Variants in AFG2A observed in about 807,000 individuals in gnomAD.
The protein encoded by AFG2A is ATPase family gene 2 protein homolog A.
the AFG2A span, among the ~76,000 whole-genome samples, chr4:123,006,780 CT>C: frequency 2.0e-5 from 3 of 152,062 alleles, no homozygotes; most frequent in Non-Finnish European, 4.4e-5. Flanking sequence ...GCATTTATAA[CT>C]TCTAATGTCC....
At chr4:123,290,042 G>A in the AFG2A span, among the ~76,000 whole-genome samples, 1 of 151,896 alleles carries the variant, frequency 6.6e-6, no homozygotes, top group East Asian at 1.9e-4. Flanking sequence ...TTTTTAATGG[G>A]GTTATTTTGT....
the AFG2A span, among the ~76,000 whole-genome samples, chr4:123,162,025 G>GAA: frequency 2.6e-5 from 4 of 151,288 alleles, 1 homozygote; most frequent in East Asian, 1.9e-4. Context: ...ATCAGCTGGG[G>GAA]AAAAAAAAGA....
chr4:123,004,084 G>T, the AFG2A span, among the ~76,000 whole-genome samples: 1 of 152,216 alleles, frequency 6.6e-6, no homozygotes, highest in Non-Finnish European at 1.5e-5. Flanking sequence ...GAATCAGCGA[G>T]ACTCCGTGGG....
the AFG2A span, among the ~76,000 whole-genome samples, chr4:123,001,673 T>C: frequency 3.3e-5 from 5 of 152,156 alleles, no homozygotes; most frequent in East Asian, 1.9e-4. Context: ...GAGAGACAGT[T>C]TGTTATAATT....
At chr4:123,193,037 G>C in the AFG2A span, among the ~76,000 whole-genome samples, 1 of 152,148 alleles carries the variant, frequency 6.6e-6, no homozygotes, top group South Asian at 2.1e-4. Context: ...ATCATCAAGT[G>C]GCTTTAATTC....
the AFG2A span, among the ~76,000 whole-genome samples, chr4:123,059,140 A>C: frequency 6.9e-6 from 1 of 144,168 alleles, no homozygotes; most frequent in African/African-American, 2.6e-5. Context: ...TTTCTTTTTT[A>C]TTTTATTTTA....
chr4:123,244,950 T>G, the AFG2A span, among the ~76,000 whole-genome samples: 4 of 152,184 alleles, frequency 2.6e-5, no homozygotes, highest in Admixed American at 6.5e-5. Context: ...TTGTGTGATA[T>G]GTGCAAAAGA....
the AFG2A span, among the ~76,000 whole-genome samples, chr4:123,002,161 A>C: frequency 6.6e-6 from 1 of 151,872 alleles, no homozygotes; most frequent in African/African-American, 2.4e-5. Flanking sequence ...TGCTTGGTAG[A>C]TCTTCCTCCA....
At chr4:123,224,488 G>A in the AFG2A span, among the ~76,000 whole-genome samples, 2 of 151,786 alleles carry the variant, frequency 1.3e-5, no homozygotes, top group African/African-American at 4.8e-5. Flanking sequence ...GCGATAGTTT[G>A]CTGAGAATGA....
the AFG2A span, among the ~76,000 whole-genome samples, chr4:123,254,415 T>C: frequency 6.6e-6 from 1 of 152,190 alleles, no homozygotes; most frequent in African/African-American, 2.4e-5. Context: ...TTCCTTTTTC[T>C]ATTTTATTTA....
the AFG2A span, chr4:122,947,399 A>C: frequency 6.2e-7 from 1 of 1,614,050 alleles, no homozygotes; most frequent in Admixed American, 1.7e-5. Flanking sequence ...AGGGTACCCC[A>C]TTTGCTCACT....
At chr4:123,006,286 C>G in the AFG2A span, among the ~76,000 whole-genome samples, 3 of 151,716 alleles carry the variant, frequency 2.0e-5, no homozygotes, top group African/African-American at 7.3e-5. Flanking sequence ...TTTGTCTTGT[C>G]TATATAACAT....
the AFG2A span, among the ~76,000 whole-genome samples, chr4:123,112,948 T>A: frequency 6.6e-6 from 1 of 152,222 alleles, no homozygotes; most frequent in African/African-American, 2.4e-5. Flanking sequence ...TGACCATTAG[T>A]AGTTAAATCT....
At chr4:123,255,541 GCCA>G in the AFG2A span, among the ~76,000 whole-genome samples, 1 of 151,168 alleles carries the variant, frequency 6.6e-6, no homozygotes, top group African/African-American at 2.4e-5. Context: ...ATAGGCGTGA[GCCA>G]CCATACCTGT....
chr4:123,306,880 TG>T, the AFG2A span, among the ~76,000 whole-genome samples: 2 of 152,348 alleles, frequency 1.3e-5, no homozygotes, highest in South Asian at 4.1e-4. Context: ...GCAATCTTGC[TG>T]GTAGTTGGCT....
chr4:123,031,405 A>G, the AFG2A span, among the ~76,000 whole-genome samples: 1 of 152,008 alleles, frequency 6.6e-6, no homozygotes, highest in South Asian at 2.1e-4. Context: ...TGCCCGCCTC[A>G]CCCTCCCAAA....
chr4:123,045,860 C>G, the AFG2A span, among the ~76,000 whole-genome samples: 1 of 151,986 alleles, frequency 6.6e-6, no homozygotes, highest in Non-Finnish European at 1.5e-5. Context: ...CTTTGCGGGG[C>G]TGAGATGGGT....
the AFG2A span, among the ~76,000 whole-genome samples, chr4:123,290,924 C>G: frequency 6.6e-6 from 1 of 152,110 alleles, no homozygotes; most frequent in South Asian, 2.1e-4. Context: ...TTGTATTGCT[C>G]TCTGTCTTTT....
At chr4:123,052,469 G>T in the AFG2A span, among the ~76,000 whole-genome samples, 2 of 152,142 alleles carry the variant, frequency 1.3e-5, no homozygotes, top group Non-Finnish European at 2.9e-5. Context: ...ATGTCCATTT[G>T]TTGAGATCAT....
Sources: gnomAD v4.1 joint callset for allele counts (sites outside exome capture counted in the v4.1 genomes callset) on GRCh38, gnomAD v4.1.1 for gene constraint, MANE v1.5 for transcripts, NCBI Gene and HGNC (gene_info 2026-07-23, HGNC 2026-07-21) for gene names.